Variants in TTC27 observed in about 807,000 individuals in gnomAD.
TTC27 encodes the protein tetratricopeptide repeat domain 27.
In TTC27, 79 loss-of-function variants were observed where a neutral mutation model predicts 115.9. The ratio of observed to expected loss-of-function variants is 0.68; its 90% CI spans 0.57 to 0.82. The LOEUF is 0.82. Ranked by LOEUF, TTC27 falls within the 40% of genes least tolerant of loss-of-function variation. The pLI, the probability that TTC27 is intolerant of heterozygous loss-of-function variation, is 0.00. For missense variants in TTC27, 1,054 were observed against 993.1 expected (o/e 1.06, Z -0.82); for synonymous variants, 401 against 356.0 (o/e 1.13, Z -1.42).
chr2:32,698,652 T>C (rs988214399), intron 9 of TTC27, among the ~76,000 whole-genome samples: 4 of 151,784 alleles, frequency 2.6e-5, no homozygotes, highest in African/African-American at 9.7e-5. Context: ...GCTAATTTTT[T>C]TGTATTTTTA....
chr2:32,666,709 G>T lies in TTC27; in HGVS notation c.880G>T (p.Asp294Tyr), dbSNP rs780055390. Residue 294 changes from aspartate to tyrosine, a missense_variant, in exon 7 of 20, where the codon GAT (aspartate) becomes TAT (tyrosine). By Grantham distance (160) the Asp-to-Tyr change is radical. Transcript: ENST00000317907. ...QLILDVRREGDVLSNCEFTPA... is the reference protein window; with the variant it reads ...QLILDVRREGYVLSNCEFTPA... ...GATTCTAGATGTAAGAAGGGAAGGGGATGTCCTTTCAAATTGTGAATTCAC... is the reference window on the plus strand; with the variant it reads ...GATTCTAGATGTAAGAAGGGAAGGGTATGTCCTTTCAAATTGTGAATTCAC... 3 of 1,613,982 alleles carry T rather than the reference G, an allele frequency of 1.9e-6. No homozygotes were observed. The highest frequency in any genetic ancestry group is 2.5e-6 in the Non-Finnish European group (3 of 1,179,964).
chr2:32,646,828 G>A (rs1403184157), intron 4 of TTC27, among the ~76,000 whole-genome samples: 1 of 151,912 alleles, frequency 6.6e-6, no homozygotes, highest in Admixed American at 6.6e-5. Flanking sequence ...CTCCCAAAGT[G>A]CTGAGATTAC....
At chr2:32,658,570 CTG>C (rs1486583112) in intron 5 of TTC27, among the ~76,000 whole-genome samples, 4 of 152,154 alleles carry the variant, frequency 2.6e-5, no homozygotes, top group African/African-American at 9.7e-5. Flanking sequence ...GATGGGAAAA[CTG>C]TCATCAGCCT....
In TTC27 at chr2:32,679,779, G is replaced by T. The variant is rs549720977; in HGVS notation, c.1119+857G>T. 2.6e-5 allele frequency among the ~76,000 whole-genome samples: 4 copies of T among 152,294 alleles called. No individual in the cohort carries two copies. The East Asian group carries it at 7.7e-4, about 29-fold the overall frequency. ...AGGCCGAGGCAGGTGGATCACTTGA[G>T]ATCAGGGGTTCGGACCAGCCTGGCC... is the stretch of plus-strand genomic sequence containing the variant. On this transcript the variant is annotated intron_variant, in intron 9 of 19. Coordinates refer to ENST00000317907, the MANE Select transcript of TTC27 (RefSeq NM_017735.5).
intron 10 of TTC27, among the ~76,000 whole-genome samples, chr2:32,724,405 C>A (rs751026705): frequency 6.6e-6 from 1 of 152,098 alleles, no homozygotes; most frequent in Non-Finnish European, 1.5e-5. Flanking sequence ...AAACTCCTGG[C>A]CCCTTTGTCA....
chr2:32,638,979 C>T (rs189515613), intron 3 of TTC27, among the ~76,000 whole-genome samples: 5 of 151,980 alleles, frequency 3.3e-5, no homozygotes, highest in African/African-American at 1.2e-4. Flanking sequence ...ACTACAGGCA[C>T]CCACCACCAC....
At chr2:32,665,490 C>T (rs559093302) in intron 6 of TTC27, among the ~76,000 whole-genome samples, 2 of 152,294 alleles carry the variant, frequency 1.3e-5, no homozygotes, top group East Asian at 3.9e-4. Context: ...GCTAGTTCTT[C>T]ATATTTTGTT....
At chr2:32,814,885 C>T (rs79344511) in intron 18 of TTC27, among the ~76,000 whole-genome samples, 15,725 of 152,146 alleles carry the variant, frequency 0.1, 939 homozygotes, top group Middle Eastern at 0.19. Flanking sequence ...TTTCTTACAC[C>T]GTATCCCCAT....
At chr2:32,670,606 T>G (rs1035431773) in intron 7 of TTC27, among the ~76,000 whole-genome samples, 1 of 132,800 alleles carries the variant, frequency 7.5e-6, no homozygotes, top group African/African-American at 3.0e-5. Context: ...TGAACGTAAG[T>G]TTTTTTTTTT....
chr2:32,818,569 G>T (rs1271917592), intron 19 of TTC27, among the ~76,000 whole-genome samples: 1 of 152,200 alleles, frequency 6.6e-6, no homozygotes, highest in African/African-American at 2.4e-5. Context: ...GTCTGGGATG[G>T]ACCCAGGAAA....
chr2:32,628,572 C>A (rs562531809), intron 1 of TTC27, among the ~76,000 whole-genome samples, 192 bp downstream of exon 1: 2 of 152,220 alleles, frequency 1.3e-5, no homozygotes, highest in South Asian at 4.1e-4. Flanking sequence ...TTCTTACCGC[C>A]CAGGTTCAGT....
At chr2:32,635,129 A>G (rs922335251) in intron 3 of TTC27, 2 of 152,186 alleles carry the variant, frequency 1.3e-5, no homozygotes, top group African/African-American at 4.8e-5. Context: ...TGTCGCCAAT[A>G]GAGCTTGCAG....
At chr2:32,813,862 T>C (rs772113967) in intron 18 of TTC27, among the ~76,000 whole-genome samples, 1 of 152,194 alleles carries the variant, frequency 6.6e-6, no homozygotes, top group Non-Finnish European at 1.5e-5. Flanking sequence ...GAGCTCTATA[T>C]AGCTGAAAGT....
intron 1 of TTC27, 67 bp downstream of exon 1, chr2:32,628,447 T>G: frequency 7.2e-7 from 1 of 1,390,192 alleles, no homozygotes; most frequent in East Asian, 2.5e-5. Context: ...TGGCAGCGAC[T>G]GATTCTCATC....
chr2:32,813,008 G>A (rs775602830), intron 18 of TTC27, among the ~76,000 whole-genome samples: 1 of 152,156 alleles, frequency 6.6e-6, no homozygotes, highest in Non-Finnish European at 1.5e-5. Flanking sequence ...GCAGTATGCA[G>A]AGCTGTAGCA....
At chr2:32,766,604 A>G (rs1205313253) in intron 13 of TTC27, 1 of 185,278 alleles carries the variant, frequency 5.4e-6, no homozygotes, top group South Asian at 9.9e-5. Flanking sequence ...AACAATTGCA[A>G]TAGTAGCATC....
At chr2:32,744,340 A>T (rs1193865828) in intron 12 of TTC27, among the ~76,000 whole-genome samples, 2 of 152,192 alleles carry the variant, frequency 1.3e-5, no homozygotes, top group Non-Finnish European at 2.9e-5. Flanking sequence ...GGAAAAATTT[A>T]GTTTTGATCT....
chr2:32,749,605 T>C (rs182135079), intron 12 of TTC27, among the ~76,000 whole-genome samples: 1 of 152,354 alleles, frequency 6.6e-6, no homozygotes, highest in Admixed American at 6.5e-5. Flanking sequence ...GGTTATTTTG[T>C]AGTGGAGGGA....
At chr2:32,809,890 G>A (rs1572633712) in intron 16 of TTC27, among the ~76,000 whole-genome samples, 1 of 152,210 alleles carries the variant, frequency 6.6e-6, no homozygotes, top group East Asian at 1.9e-4. Context: ...AGGCCAAGGC[G>A]GGTGGGTCAC....
Sources: gnomAD v4.1 joint callset for allele counts (sites outside exome capture counted in the v4.1 genomes callset) on GRCh38, gnomAD v4.1.1 for gene constraint, MANE v1.5 for transcripts, NCBI Gene and HGNC (gene_info 2026-07-23, HGNC 2026-07-21) for gene names.